Variants in IDI1 observed in about 807,000 individuals in gnomAD.
The protein encoded by IDI1 is isopentenyl-diphosphate Delta-isomerase 1.
A neutral mutation model predicts 32.9 loss-of-function variants in IDI1; 23 were observed. That is an observed-to-expected ratio of 0.70 (90% CI 0.50 to 0.99). IDI1 has a LOEUF of 0.99. IDI1 is among the 50% of genes least tolerant of loss of function. The pLI is 0.00. For synonymous variants in IDI1, 133 were observed against 128.2 expected, an observed-to-expected ratio of 1.04 and a Z score of -0.25; for missense variants, 326 against 351.9, an observed-to-expected ratio of 0.93 and a Z score of 0.59.
the IDI1 span, among the ~76,000 whole-genome samples, chr10:1,056,195 G>C: frequency 6.6e-6 from 1 of 152,230 alleles, no homozygotes; most frequent in Non-Finnish European, 1.5e-5. Context: ...CTCTAGGTGG[G>C]CTTCAAATGC....
chr10:1,046,203 T>A lies in IDI1; in HGVS notation c.141-2032A>T, dbSNP rs540307453. Among the ~76,000 whole-genome samples, 4 of 152,312 alleles carry A rather than the reference T, an allele frequency of 2.6e-5. No homozygotes were observed. The South Asian group carries it at 8.3e-4, about 32-fold the overall frequency. ...CACCTGTGTATATCCACTGTGTACA[T>A]ACATGTGTCACATGATGGTGTTTCG... On this transcript the variant is annotated intron_variant, in intron 1 of 4. Coordinates refer to ENST00000381344, the MANE Select transcript of IDI1 (RefSeq NM_004508.4).
upstream of IDI1, chr10:1,049,230 A>C: frequency 1.5e-6 from 1 of 653,072 alleles, no homozygotes; most frequent in Non-Finnish European, 2.4e-6. Context: ...AGACGCCGCC[A>C]GCCAATCACG....
chr10:1,045,157 T>C (rs1205724879), intron 1 of IDI1, among the ~76,000 whole-genome samples: 2 of 152,272 alleles, frequency 1.3e-5, no homozygotes, highest in East Asian at 1.9e-4. Flanking sequence ...GCATCAAACA[T>C]TAATTTTCTG....
rs1173582882 is a variant in IDI1 at position 1,049,045 on chromosome 10, C to G, written c.-42G>C. 6.9e-7 allele frequency: 1 copy of G among 1,452,794 alleles called. No individual in the cohort carries two copies. Among genetic ancestry groups the G allele is most frequent in the Admixed American group, 2.6e-5 (1 of 38,008 alleles). The allele number at this position is 1,452,794 out of a possible 1,614,324, so 90.0% of individuals were successfully genotyped here. A position where few individuals can be genotyped will look rare whatever the true frequency, so the allele number is the denominator to read the frequency against. The stretch of plus-strand genomic sequence containing the variant: ...GCCCGTACGCGCTTGACGACACAAT[C>G]TCGCCAAGCTTCGCCTGGTGGTGCC... On this transcript the variant is annotated 5_prime_UTR_variant, in exon 1 of 5. Transcript: ENST00000381344.
At chr10:1,042,145 G>A (rs1198163495) in intron 4 of IDI1, among the ~76,000 whole-genome samples, 1 of 151,972 alleles carries the variant, frequency 6.6e-6, no homozygotes, top group Non-Finnish European at 1.5e-5. Flanking sequence ...TTGCTTTTTG[G>A]AAAATATAGA....
In IDI1 at chr10:1,041,587, C is replaced by T. The variant is rs2472532; in HGVS notation, c.538-83G>A. Reference sequence around the variant, plus strand: ...CTAAAATTAGCTCACTGTATTACAGCGATATCTCGAACAGCAGTATAGTTT... The same window carrying T: ...CTAAAATTAGCTCACTGTATTACAGTGATATCTCGAACAGCAGTATAGTTT... On this transcript the variant is annotated intron_variant, in intron 4 of 4. Transcript: ENST00000381344. 14 of 678,560 alleles carry T rather than the reference C, an allele frequency of 2.1e-5. No homozygotes were observed. The Admixed American group carries it at 2.4e-4, about 12-fold the overall frequency. 42.0% of individuals were successfully genotyped at this position (678,560 alleles called of 1,614,324 possible). A position where few individuals can be genotyped will look rare whatever the true frequency, so the allele number is the denominator to read the frequency against.
In IDI1 at chr10:1,048,934, G is replaced by A. The variant is rs1489802619; in HGVS notation, c.70C>T (p.Arg24Cys). Reference sequence around the variant, plus strand: ...CCGCTTTGAGCACAGTCTGCGGCGCGCACCGCCCACTGGCCCCGCCCCCGG... The same window carrying A: ...CCGCTTTGAGCACAGTCTGCGGCGCACACCGCCCACTGGCCCCGCCCCCGG... ...AARGRGQWAV[R>C]AADCAQSGRH... Residue 24 changes from arginine (R) to cysteine (C), a missense_variant, in exon 1 of 5, where the codon CGC (arginine) becomes TGC (cysteine). Physicochemically the swap from Arg to Cys is radical, Grantham distance 180 (BLOSUM62 -3). This residue lies in a region of IDI1 where 121 missense variants were observed against 78.4 expected (regional missense o/e 1.54). Coordinates refer to ENST00000381344, the MANE Select transcript of IDI1 (RefSeq NM_004508.4). 4 of 1,590,834 alleles carry A rather than the reference G, an allele frequency of 2.5e-6. No homozygotes were observed. Among genetic ancestry groups the A allele is most frequent in the South Asian group, 1.1e-5 (1 of 88,958 alleles).
rs1439175262 is a variant in IDI1 at position 1,041,192 on chromosome 10, T to C, written c.850A>G (p.Met284Val). Residue 284 changes from methionine to valine, a missense_variant, in exon 5 of 5, where the codon ATG becomes GTG. By Grantham distance (21) the Met-to-Val change is conservative (BLOSUM62 1). Coordinates refer to ENST00000381344, the MANE Select transcript of IDI1 (RefSeq NM_004508.4). The stretch of plus-strand genomic sequence containing the variant: ...GTAATCATTTACCTACATATTCACA[T>C]TCTGTATATTTTCTCATGGTCAACA... ...QFVDHEKIYR[M>V] 2 of 1,574,006 alleles carry C rather than the reference T, an allele frequency of 1.3e-6. No individual in the cohort carries two copies. Among genetic ancestry groups the C allele is most frequent in the Non-Finnish European group, 1.7e-6 (2 of 1,148,144 alleles).
At chr10:1,046,485 C>A (rs1371111932) in intron 1 of IDI1, among the ~76,000 whole-genome samples, 1 of 151,972 alleles carries the variant, frequency 6.6e-6, no homozygotes, top group Non-Finnish European at 1.5e-5. Flanking sequence ...CACAGCCCAG[C>A]TGCTCCACTG....
chr10:1,046,060 T>C (rs1184463336), intron 1 of IDI1, among the ~76,000 whole-genome samples: 1 of 152,232 alleles, frequency 6.6e-6, no homozygotes, highest in African/African-American at 2.4e-5. Flanking sequence ...TTCTATAGGC[T>C]AGTTTTATAT....
rs753184688 is a variant in IDI1, at chr10:1,043,382, G to A, written c.325C>T (p.Arg109Ter). 7 of 1,602,018 alleles carry A rather than the reference G, an allele frequency of 4.4e-6. No homozygotes were observed. The highest frequency in any genetic ancestry group is 1.1e-5 in the South Asian group (1 of 90,834). ...NENIEKGLLH[R>*]AFSVFLFNTE... The stretch of plus-strand genomic sequence containing the variant: ...TTGAATAAGAAGACACTAAAAGCTC[G>A]ATGCAATAATCCTGAAAGCAAAAGA... Residue 109 changes from arginine (R) to a stop codon, truncating the protein, a stop_gained, in exon 3 of 5, where the codon CGA becomes TGA. Coordinates refer to ENST00000381344, the MANE Select transcript of IDI1 (RefSeq NM_004508.4). LOFTEE classifies it high-confidence loss of function.
chr10:1,051,180 T>G (rs1321415400), upstream of IDI1, among the ~76,000 whole-genome samples: 3 of 152,240 alleles, frequency 2.0e-5, no homozygotes, highest in Non-Finnish European at 4.4e-5. Flanking sequence ...ATCTTCCAAA[T>G]GCTAAAACAT....
At chr10:1,054,765 T>C in the IDI1 span, among the ~76,000 whole-genome samples, 1 of 152,268 alleles carries the variant, frequency 6.6e-6, no homozygotes, top group African/African-American at 2.4e-5. Context: ...TCACTTCCAG[T>C]ATTTTATAAT....
At chr10:1,045,866 G>GGGGTGTGT (rs1207210805) in intron 1 of IDI1, among the ~76,000 whole-genome samples, 106 of 151,070 alleles carry the variant, frequency 7.0e-4, no homozygotes, top group Non-Finnish European at 6.7e-4. Context: ...ATAGGGTCTG[G>GGGGTGTGT]GTGTGTGTGT....
In IDI1 at chr10:1,041,324, G is replaced by C; in HGVS notation, c.718C>G (p.Leu240Val). The change falls in exon 5 of 5, where the codon CTG (leucine) becomes GTG (valine). Residue 240 changes from leucine to valine, a missense_variant. Leu to Val is a conservative substitution (Grantham distance 32, BLOSUM62 1). Transcript: ENST00000381344. ...YVSKEELKEL[L>V]KKAASGEIKI... ...ATTTCACCACTGGCTGCTTTTTTCA[G>C]AAGTTCTTTTAGTTCTTCCTTTGAC... is the stretch of plus-strand genomic sequence containing the variant. 6.2e-7 allele frequency: 1 copy of C among 1,613,766 alleles called. No individual in the cohort carries two copies. Among genetic ancestry groups the C allele is most frequent in the Non-Finnish European group, 8.5e-7 (1 of 1,179,810 alleles).
the IDI1 span, among the ~76,000 whole-genome samples, chr10:1,055,961 G>GC: frequency 6.6e-6 from 1 of 152,030 alleles, no homozygotes; most frequent in African/African-American, 2.4e-5. Context: ...GGCGCGCGCC[G>GC]CCACGCCCGG....
At chr10:1,044,484 T>C (rs1471248725) in intron 1 of IDI1, among the ~76,000 whole-genome samples, 1 of 152,230 alleles carries the variant, frequency 6.6e-6, no homozygotes, top group Admixed American at 6.5e-5. Flanking sequence ...ACTTTTCTTC[T>C]CTGGTTTTTG....
chr10:1,048,607 C>T, intron 1 of IDI1: 2 of 1,394,352 alleles, frequency 1.4e-6, no homozygotes, highest in Non-Finnish European at 1.9e-6. Context: ...ATCTTTTCCG[C>T]TGACAAAGAA....
chr10:1,045,413 T>G (rs552887342), intron 1 of IDI1, among the ~76,000 whole-genome samples: 1 of 152,360 alleles, frequency 6.6e-6, no homozygotes, highest in East Asian at 1.9e-4. Context: ...ATTTTGAAGA[T>G]CCCATGTGCT....
Sources: allele counts gnomAD v4.1 joint callset (sites outside exome capture counted in the v4.1 genomes callset), GRCh38; gene constraint gnomAD v4.1.1; regional missense constraint gnomAD v4.1.1; transcripts MANE v1.5; gene names NCBI Gene and HGNC (gene_info 2026-07-23, HGNC 2026-07-21).